UBE2QL1: variants seen among roughly 807,000 people sequenced by gnomAD.
UBE2QL1 encodes ubiquitin conjugating enzyme E2 QL1.
UBE2QL1 carries 5 observed loss-of-function variants against 12.6 expected under a neutral mutation model. The observed-to-expected ratio is 0.40, with a 90% confidence interval of 0.21 to 0.83. The LOEUF is 0.83. Among genes scored for constraint, UBE2QL1 ranks in the 40% least tolerant of loss-of-function variants. The probability of loss-of-function intolerance (pLI) is 0.37; values close to 1 mark genes in which losing one functional copy is unlikely to be tolerated. For synonymous variants in UBE2QL1, 96 were observed against 94.5 expected (o/e 1.02, Z -0.10); for missense variants, 99 against 222.6 (o/e 0.44, Z 3.53).
intron 1 of UBE2QL1, among the ~76,000 whole-genome samples, chr5:6,475,036 A>G (rs1193235174): frequency 6.6e-6 from 1 of 152,242 alleles, no homozygotes; most frequent in East Asian, 1.9e-4. Flanking sequence ...CTTTCCCTAT[A>G]TTCTATCATA....
chr5:6,476,847 A>G lies in UBE2QL1; in HGVS notation c.355-14371A>G, dbSNP rs1734244522. 6.6e-6 allele frequency among the ~76,000 whole-genome samples: 1 copy of G among 152,204 alleles called. No homozygotes were observed. The highest frequency in any genetic ancestry group is 1.5e-5 in the Non-Finnish European group (1 of 68,030). On this transcript the variant is annotated intron_variant, in intron 1 of 1. Transcript: ENST00000399816. This position sits in a 1 kb window ranked among gnomAD's most constrained non-coding sequence, Gnocchi z 4.9. ...TAGCTGCCACCAATAATGATTTGCC[A>G]TTCACAAGGACAGGAGTGGCCCCCT...
chr5:6,449,208 C>T lies in UBE2QL1; in HGVS notation c.315C>T (p.Ala105=). The T allele has an allele frequency of 6.8e-7, 1 of 1,470,280 alleles. No homozygotes were observed. Among genetic ancestry groups the T allele is most frequent in the Non-Finnish European group, 9.1e-7 (1 of 1,104,866 alleles). The allele number at this position is 1,470,280 out of a possible 1,614,324, so 91.1% of individuals were successfully genotyped here. ...GGTCCAGCGCCTACACCGTGGAGGC[C>T]GTCATGCGCCAGTTCGCAGCCAGCC... is the stretch of plus-strand genomic sequence containing the variant. The part of the protein sequence containing the change: ...RGWSSAYTVE[A]VMRQFAASLV... Residue 105 remains alanine, a synonymous_variant, in exon 1 of 2, where the codon GCC becomes GCT. Transcript: ENST00000399816.
In UBE2QL1 at chr5:6,492,975, G is replaced by A. The variant is rs891961235; in HGVS notation, c.*1626G>A. On this transcript the variant is annotated 3_prime_UTR_variant, in exon 2 of 2. Transcript: ENST00000399816. ...AAGAGGCCTTGCCTCAAAGAACAAG[G>A]ATTGGCGCCTTTCAGCAGGGCTGCC... is the stretch of plus-strand genomic sequence containing the variant. 1 of 152,276 alleles carries A rather than the reference G, an allele frequency of 6.6e-6. No homozygotes were observed. The highest frequency in any genetic ancestry group is 1.5e-5 in the Non-Finnish European group (1 of 68,044). The allele number at this position is 152,276 out of a possible 1,614,324, so 9.4% of individuals were successfully genotyped here.
At chr5:6,466,106 G>A (rs546226444) in intron 1 of UBE2QL1, among the ~76,000 whole-genome samples, 3 of 152,118 alleles carry the variant, frequency 2.0e-5, no homozygotes, top group African/African-American at 7.2e-5. Flanking sequence ...GAGGCATGGA[G>A]AGGCTGAGGC....
At position 6,493,101 on chromosome 5, in the gene UBE2QL1, TA is replaced by T. The variant is rs1221916037; in HGVS notation, c.*1754del. Reference sequence around the variant, plus strand: ...CTGCCAGACCAAAATGACAGTGTATTAAGAATGCAGGGCCTGCTCAGCTTCC... The same window carrying T: ...CTGCCAGACCAAAATGACAGTGTATTAGAATGCAGGGCCTGCTCAGCTTCC... On this transcript the variant is annotated 3_prime_UTR_variant, in exon 2 of 2. Coordinates refer to ENST00000399816, the MANE Select transcript of UBE2QL1 (RefSeq NM_001145161.3). 1 of 152,246 alleles carries T rather than the reference TA, an allele frequency of 6.6e-6. No individual in the cohort carries two copies. The highest frequency in any genetic ancestry group is 1.5e-5 in the Non-Finnish European group (1 of 68,046). 9.4% of individuals were successfully genotyped at this position (152,246 alleles called of 1,614,324 possible).
At chr5:6,483,768 C>T (rs556920996) in intron 1 of UBE2QL1, among the ~76,000 whole-genome samples, 25 of 152,330 alleles carry the variant, frequency 1.6e-4, no homozygotes, top group Non-Finnish European at 2.8e-4. Context: ...ACTAAAGCCA[C>T]GCCAAGGGCT....
At chr5:6,450,932 T>TG (rs1345162933) in intron 1 of UBE2QL1, among the ~76,000 whole-genome samples, 1 of 152,196 alleles carries the variant, frequency 6.6e-6, no homozygotes, top group Non-Finnish European at 1.5e-5. Context: ...AATGCAAGCA[T>TG]GGGGGGTAGG....
At chr5:6,473,129 T>G (rs1739951596) in intron 1 of UBE2QL1, among the ~76,000 whole-genome samples, 1 of 152,242 alleles carries the variant, frequency 6.6e-6, no homozygotes, top group South Asian at 2.1e-4. Flanking sequence ...ACACTGCCTT[T>G]AGGAATGCGG....
chr5:6,474,930 G>A (rs142947882), intron 1 of UBE2QL1, among the ~76,000 whole-genome samples: 37 of 152,272 alleles, frequency 2.4e-4, no homozygotes, highest in African/African-American at 8.4e-4. Context: ...CTGTGCTTCC[G>A]TTTCTCCGTC....
At chr5:6,449,481 AGTCTCTGCCCGTCTCTCTGGTATCG>A (rs1029852377) in intron 1 of UBE2QL1, among the ~76,000 whole-genome samples, 4 of 151,806 alleles carry the variant, frequency 2.6e-5, no homozygotes, top group African/African-American at 4.8e-5. Context: ...GTCTGGTCTC[AGTCTCTGCCCGTCTCTCTGGTATCG>A]GTCTCTGCCG....
At chr5:6,455,762 C>T (rs1275021195) in intron 1 of UBE2QL1, among the ~76,000 whole-genome samples, 1 of 151,912 alleles carries the variant, frequency 6.6e-6, no homozygotes, top group Non-Finnish European at 1.5e-5. Flanking sequence ...CACAGCCTCA[C>T]CCACCAGTAA....
intron 1 of UBE2QL1, among the ~76,000 whole-genome samples, chr5:6,456,997 G>T (rs1285088587): frequency 6.6e-6 from 1 of 151,622 alleles, no homozygotes; most frequent in Admixed American, 6.6e-5. Flanking sequence ...CCTCGTGGGT[G>T]CCTGTCCTCT....
chr5:6,467,823 C>T (rs1739830184), intron 1 of UBE2QL1, among the ~76,000 whole-genome samples: 3 of 151,914 alleles, frequency 2.0e-5, no homozygotes, highest in African/African-American at 7.3e-5. Flanking sequence ...CCTGCAGCAT[C>T]GACACATTCC....
intron 1 of UBE2QL1, among the ~76,000 whole-genome samples, chr5:6,477,182 C>T (rs1454717839): frequency 2.0e-5 from 3 of 152,258 alleles, no homozygotes; most frequent in Non-Finnish European, 4.4e-5. Flanking sequence ...CTGACCTCCA[C>T]GTGCCCCCCA....
At chr5:6,482,258 C>T (rs1734377401) in intron 1 of UBE2QL1, among the ~76,000 whole-genome samples, 1 of 152,176 alleles carries the variant, frequency 6.6e-6, no homozygotes, top group African/African-American at 2.4e-5. Flanking sequence ...AGACTTCTGG[C>T]CACCTGAACT....
chr5:6,480,733 G>C (rs531644183), intron 1 of UBE2QL1, among the ~76,000 whole-genome samples: 1 of 152,352 alleles, frequency 6.6e-6, no homozygotes, highest in Admixed American at 6.5e-5. Flanking sequence ...GGTGCTGCCA[G>C]AGCTGGAGGA....
Position 6,496,195 on chromosome 5 carries a change from C to T in UBE2QL1, c.*4846C>T, listed in dbSNP as rs989651453. ...CCCCAACCGCCAATTCACCCTGTGT[C>T]TCTCGCAGAATTAAAGCCAGGAGGT... On this transcript the variant is annotated 3_prime_UTR_variant, in exon 2 of 2. Coordinates refer to ENST00000399816, the MANE Select transcript of UBE2QL1 (RefSeq NM_001145161.3). Among the ~76,000 whole-genome samples the T allele has an allele frequency of 3.9e-5, 6 of 152,198 alleles. No individual in the cohort carries two copies. The highest frequency in any genetic ancestry group is 1.4e-4 in the African/African-American group (6 of 41,446).
intron 1 of UBE2QL1, among the ~76,000 whole-genome samples, chr5:6,475,755 C>G (rs1734215179): frequency 6.6e-6 from 1 of 152,070 alleles, no homozygotes; most frequent in Non-Finnish European, 1.5e-5. Context: ...GAGCATTAGA[C>G]TTCAGCCTTG....
At chr5:6,462,630 T>C (rs1454064697) in intron 1 of UBE2QL1, among the ~76,000 whole-genome samples, 1 of 152,152 alleles carries the variant, frequency 6.6e-6, no homozygotes, top group Non-Finnish European at 1.5e-5. Context: ...GGCCACTAAC[T>C]GCCGGGCTTG....
Sources: gnomAD v4.1 joint callset for allele counts (sites outside exome capture counted in the v4.1 genomes callset) on GRCh38, gnomAD v4.1.1 for gene constraint, Gnocchi (gnomAD v3.1) non-coding constraint, MANE v1.5 for transcripts, NCBI Gene and HGNC (gene_info 2026-07-23, HGNC 2026-07-21) for gene names.